Variants in HSPG2 observed in about 807,000 individuals in gnomAD.
The protein encoded by HSPG2 is heparan sulfate proteoglycan 2.
In HSPG2, 278 loss-of-function variants were observed where a neutral mutation model predicts 526.6. The observed-to-expected ratio is 0.53, with a 90% CI of 0.48 to 0.58. The LOEUF is 0.58. Among genes scored for constraint, HSPG2 ranks in the 20% least tolerant of loss-of-function variants. The probability of loss-of-function intolerance (pLI) is 0.00; values close to 1 mark genes in which losing one functional copy is unlikely to be tolerated. For missense variants in HSPG2, 5,354 were observed against 6,099.5 expected (o/e 0.88, Z 4.07); for synonymous variants, 2,465 against 2,555.4 (o/e 0.96, Z 1.07).
In HSPG2 at chr1:21,839,201, G is replaced by A. The variant is rs74421075; in HGVS notation, c.9890-116C>T. The A allele has an allele frequency of 1.1e-3, 1,664 of 1,458,128 alleles. 16 individuals carry two copies. In the African/African-American group the frequency reaches 0.022, roughly 19 times the overall value. The allele number at this position is 1,458,128 out of a possible 1,614,324, so 90.3% of individuals were successfully genotyped here. On this transcript the variant is annotated intron_variant, in intron 73 of 96. Coordinates refer to ENST00000374695, the MANE Select transcript of HSPG2 (RefSeq NM_005529.7). The surrounding 1 kb of genome is among the most constrained non-coding windows in gnomAD (Gnocchi z 4.5). ...GGTGAGCCCAGAGGACTGGGGATAA[G>A]GAAAGCAAAGGTCCCAGGCCAGGGT...
intron 13 of HSPG2, among the ~76,000 whole-genome samples, chr1:21,883,613 C>T (rs1641661867): frequency 6.6e-6 from 1 of 152,212 alleles, no homozygotes; most frequent in African/African-American, 2.4e-5. Flanking sequence ...GCATAAGCCA[C>T]CATGCCTGGC....
intron 1 of HSPG2, among the ~76,000 whole-genome samples, chr1:21,929,008 C>T (rs1327927661): frequency 2.6e-5 from 4 of 152,052 alleles, no homozygotes; most frequent in Non-Finnish European, 4.4e-5. Context: ...GATCCGCCCG[C>T]CTTGGCCTCC....
At chr1:21,869,236 GA>G (rs1174078268) in intron 33 of HSPG2, among the ~76,000 whole-genome samples, 1 of 152,228 alleles carries the variant, frequency 6.6e-6, no homozygotes, top group African/African-American at 2.4e-5. Flanking sequence ...CTCTTTTGTG[GA>G]CCAACGTTTA....
chr1:21,884,819 C>T lies in HSPG2; in HGVS notation c.1455G>A (p.Arg485=). 12 of 1,613,848 alleles carry T rather than the reference C, an allele frequency of 7.4e-6. No homozygotes were observed. The highest frequency in any genetic ancestry group is 9.3e-6 in the Non-Finnish European group (11 of 1,180,022). Residue 485 remains arginine (R), a synonymous_variant, in exon 12 of 97, where the codon CGG becomes CGA. Transcript: ENST00000374695. ...CGTCAGGAATGCCAAACACCATGCC[C>T]CGGGCGTTCATGGCCTCACAGGTGT... The part of the protein sequence containing the change: ...GAYTCEAMNA[R]GMVFGIPDGV...
intron 3 of HSPG2, among the ~76,000 whole-genome samples, chr1:21,894,795 A>AGGACG (rs572132106): frequency 1.4e-3 from 216 of 152,312 alleles, no homozygotes; most frequent in Non-Finnish European, 2.3e-3. Flanking sequence ...AGGCCATTCC[A>AGGACG]GGACGGGACG....
Position 21,854,860 on chromosome 1 carries a change from C to G in HSPG2, c.6121G>C (p.Val2041Leu). The change falls in exon 48 of 97, where the codon GTT (valine) becomes CTT (leucine). Residue 2041 changes from valine to leucine, a missense_variant. Val to Leu is a conservative substitution (Grantham distance 32). Transcript: ENST00000374695. Reference protein sequence around the residue: ...AGTAQARIQVVVLSASDASPP... With the variant: ...AGTAQARIQVLVLSASDASPP... ...AGAGAGTCCGTACCTGAAAGGACAA[C>G]CACTTGGATCCGGGCCTGGGCAGTG... The G allele has an allele frequency of 1.9e-6, 3 of 1,614,066 alleles. No individual in the cohort carries two copies. The highest frequency in any genetic ancestry group is 2.5e-6 in the Non-Finnish European group (3 of 1,179,988).
At chr1:21,840,398 C>G (rs955321651) in intron 71 of HSPG2, among the ~76,000 whole-genome samples, 3 of 152,172 alleles carry the variant, frequency 2.0e-5, no homozygotes. Context: ...CTCTACCTCC[C>G]AGGTTCACAT....
In HSPG2 at chr1:21,839,624, G is replaced by A. The variant is rs1393492108; in HGVS notation, c.9710-74C>T. On this transcript the variant is annotated intron_variant, in intron 72 of 96. Transcript: ENST00000374695. The surrounding 1 kb of genome is among the most constrained non-coding windows in gnomAD (Gnocchi z 4.5). ...ACCCGCAGAGGGTGGCCATGGTGAG[G>A]AAGGGCCCTGGGTGATCCTGTCCCT... 2 of 1,541,884 alleles carry A rather than the reference G, an allele frequency of 1.3e-6. No homozygotes were observed. The highest frequency in any genetic ancestry group is 2.7e-5 in the African/African-American group (2 of 73,296).
chr1:21,911,418 C>T (rs1643675588), intron 1 of HSPG2, among the ~76,000 whole-genome samples: 1 of 150,964 alleles, frequency 6.6e-6, no homozygotes, highest in African/African-American at 2.4e-5. Context: ...TCCCTGCTGA[C>T]AGCTGCTGAG....
At chr1:21,896,143 C>A in intron 2 of HSPG2, 32 bp downstream of exon 2, 4 of 1,613,798 alleles carry the variant, frequency 2.5e-6, no homozygotes, top group Non-Finnish European at 3.4e-6. Context: ...ACCCCCCACC[C>A]CTCTGCTCCC....
chr1:21,920,342 C>T (rs1179974658), intron 1 of HSPG2, among the ~76,000 whole-genome samples: 1 of 152,244 alleles, frequency 6.6e-6, no homozygotes, highest in Non-Finnish European at 1.5e-5. Context: ...TGCATCACCC[C>T]ACCCTAAACC....
At chr1:21,832,766 G>T (rs1195594282) in intron 80 of HSPG2, 160 bp from the exon 81 acceptor site, 2 of 627,346 alleles carry the variant, frequency 3.2e-6, no homozygotes, top group African/African-American at 3.7e-5. Flanking sequence ...CTATCTCAGG[G>T]CTGGTGCCCC....
Position 21,848,068 on chromosome 1 carries a change from G to A in HSPG2, c.7763C>T (p.Pro2588Leu). The A allele has an allele frequency of 1.2e-6, 2 of 1,611,264 alleles. No homozygotes were observed. Among genetic ancestry groups the A allele is most frequent in the Non-Finnish European group, 1.7e-6 (2 of 1,179,112 alleles). The change falls in exon 60 of 97, where the codon CCT becomes CTT. Residue 2588 changes from proline to leucine, a missense_variant. By Grantham distance (98) the Pro-to-Leu change is moderately conservative. Coordinates refer to ENST00000374695, the MANE Select transcript of HSPG2 (RefSeq NM_005529.7). This position sits in a 1 kb window ranked among gnomAD's most constrained non-coding sequence, Gnocchi z 4.9. ...HQIVGSRLRI[P>L]QVTPADSGEY... ...GCCCGAGTCTGCCGGAGTCACCTGAGGGATCCGCAGCCGGGAGCCCACGAT... is the reference window on the plus strand; with the variant it reads ...GCCCGAGTCTGCCGGAGTCACCTGAAGGATCCGCAGCCGGGAGCCCACGAT...
At position 21,836,847 on chromosome 1, in the gene HSPG2, C is replaced by T; in HGVS notation, c.10310G>A (p.Gly3437Glu). Reference protein sequence around the residue: ...RGTQLRWFKEGGQLPPGHSVQ... With the variant: ...RGTQLRWFKEEGQLPPGHSVQ... ...GCTGTGACCCGGAGGCAGCTGACCCCCTTCCTTGAACCAACGGAGCTGGGT... is the reference window on the plus strand; with the variant it reads ...GCTGTGACCCGGAGGCAGCTGACCCTCTTCCTTGAACCAACGGAGCTGGGT... Residue 3437 changes from glycine (G) to glutamate (E), a missense_variant, in exon 75 of 97, where the codon GGG becomes GAG. By Grantham distance (98) the Gly-to-Glu change is moderately conservative. Transcript: ENST00000374695. 6 of 1,582,330 alleles carry T rather than the reference C, an allele frequency of 3.8e-6. No individual in the cohort carries two copies. The highest frequency in any genetic ancestry group is 5.1e-6 in the Non-Finnish European group (6 of 1,165,048).
At position 21,896,323 on chromosome 1, in the gene HSPG2, G is replaced by A. The variant is rs201664312; in HGVS notation, c.64-13C>T. The A allele has an allele frequency of 2.1e-4, 333 of 1,611,630 alleles. No individual in the cohort carries two copies. The highest frequency in any genetic ancestry group is 2.6e-4 in the Non-Finnish European group (301 of 1,179,994). On this transcript the variant is annotated splice_polypyrimidine_tract_variant and intron_variant, in intron 1 of 96. Coordinates refer to ENST00000374695, the MANE Select transcript of HSPG2 (RefSeq NM_005529.7). ...GCCCATGGGTCACCTGTAAGCAAAC[G>A]AGAGCTGATTGAGTCACTCTCTCCA... is the stretch of plus-strand genomic sequence containing the variant.
chr1:21,851,952 AG>A, intron 53 of HSPG2, 26 bp from the exon 54 acceptor site: 1 of 1,604,288 alleles, frequency 6.2e-7, no homozygotes, highest in South Asian at 1.1e-5. Flanking sequence ...CAGAGGTGTG[AG>A]GGGGGCTTCC....
chr1:21,867,403 C>T (rs555906285), intron 33 of HSPG2, among the ~76,000 whole-genome samples: 48 of 152,168 alleles, frequency 3.2e-4, no homozygotes, highest in African/African-American at 9.6e-4. Flanking sequence ...GTGATTAAAA[C>T]GGCAGACTCC....
At chr1:21,891,226 C>T (rs536210302) in intron 3 of HSPG2, among the ~76,000 whole-genome samples, 20 of 152,328 alleles carry the variant, frequency 1.3e-4, no homozygotes, top group African/African-American at 4.8e-4. Flanking sequence ...ATAGATTCTG[C>T]CAGGTTTCAC....
intron 80 of HSPG2, chr1:21,833,025 C>G (rs888344968): frequency 1.0e-4 from 62 of 591,074 alleles, no homozygotes; most frequent in African/African-American, 7.8e-4. Flanking sequence ...GGGGTGATGC[C>G]CCGGTGGCAG....
Sources: gnomAD v4.1 joint callset for allele counts (sites outside exome capture counted in the v4.1 genomes callset) on GRCh38, gnomAD v4.1.1 for gene constraint, Gnocchi (gnomAD v3.1) non-coding constraint, MANE v1.5 for transcripts, NCBI Gene and HGNC (gene_info 2026-07-23, HGNC 2026-07-21) for gene names.